Variants in POLR3G observed in about 807,000 individuals in gnomAD.
POLR3G encodes the protein DNA-directed RNA polymerase III subunit RPC7.
In POLR3G, 28 loss-of-function variants were observed where a neutral mutation model predicts 30.1. The ratio of observed to expected loss-of-function variants is 0.93; its 90% CI spans 0.69 to 1.27. The LOEUF is 1.27. POLR3G is among the 50% of genes most tolerant of loss of function. The pLI is 0.00. For synonymous variants in POLR3G, 79 were observed against 82.5 expected (o/e 0.96, Z 0.23); for missense variants, 254 against 264.6 (o/e 0.96, Z 0.28).
intron 2 of POLR3G, among the ~76,000 whole-genome samples, chr5:90,486,594 G>A (rs1454939732): frequency 1.3e-5 from 2 of 152,238 alleles, no homozygotes; most frequent in East Asian, 3.9e-4. Context: ...TTCTCTGCTG[G>A]AACCATCTCT....
chr5:90,474,277 A>T, upstream of POLR3G: 1 of 1,613,144 alleles, frequency 6.2e-7, no homozygotes, highest in Non-Finnish European at 8.5e-7. Flanking sequence ...TGGGCGTACC[A>T]CTCGAGCGCC....
intron 7 of POLR3G, among the ~76,000 whole-genome samples, chr5:90,507,457 G>A (rs1339848843): frequency 6.6e-6 from 1 of 152,190 alleles, no homozygotes; most frequent in Admixed American, 6.5e-5. Context: ...TATAAACAGA[G>A]AAGTGTGGAT....
intron 3 of POLR3G, among the ~76,000 whole-genome samples, chr5:90,489,680 C>A (rs1487268925): frequency 6.6e-6 from 1 of 152,082 alleles, no homozygotes; most frequent in African/African-American, 2.4e-5. Flanking sequence ...ATGAACTAAT[C>A]AGTATTCATT....
chr5:90,492,965 T>C (rs1258452718), intron 3 of POLR3G, among the ~76,000 whole-genome samples: 1 of 152,130 alleles, frequency 6.6e-6, no homozygotes, highest in African/African-American at 2.4e-5. Context: ...AGCTAGATTC[T>C]ACTAGAAATG....
intron 1 of POLR3G, among the ~76,000 whole-genome samples, chr5:90,482,996 C>T (rs1282393007): frequency 6.6e-6 from 1 of 151,944 alleles, no homozygotes; most frequent in African/African-American, 2.4e-5. Context: ...CAAAATTAGA[C>T]AGGCATGGTG....
At chr5:90,506,400 T>C in intron 6 of POLR3G, 128 bp from the exon 7 acceptor site, 1 of 1,294,230 alleles carries the variant, frequency 7.7e-7, no homozygotes, top group South Asian at 2.0e-5. Flanking sequence ...GTTTCCTAGG[T>C]GGTAGCCAGG....
At position 90,514,103 on chromosome 5, in the gene POLR3G, T is replaced by C. The variant is rs1306758649; in HGVS notation, c.*1964T>C. 2 of 152,202 alleles carry C rather than the reference T, an allele frequency of 1.3e-5. No individual in the cohort carries two copies. The highest frequency in any genetic ancestry group is 3.8e-4 in the East Asian group (2 of 5,200). 9.4% of individuals were successfully genotyped at this position (152,202 alleles called of 1,614,324 possible). On this transcript the variant is annotated 3_prime_UTR_variant, in exon 8 of 8. Coordinates refer to ENST00000651687, the MANE Select transcript of POLR3G (RefSeq NM_006467.3). Reference sequence around the variant, plus strand: ...CAAGGATTTACTCTGGGAGGTACCGTTAAGAGCCTTCTTTCCCCCTTTGAA... The same window carrying C: ...CAAGGATTTACTCTGGGAGGTACCGCTAAGAGCCTTCTTTCCCCCTTTGAA...
At position 90,513,807 on chromosome 5, in the gene POLR3G, G is replaced by A. The variant is rs1436317662; in HGVS notation, c.*1668G>A. 1 of 152,170 alleles carries A rather than the reference G, an allele frequency of 6.6e-6. No homozygotes were observed. Among genetic ancestry groups the A allele is most frequent in the Non-Finnish European group, 1.5e-5 (1 of 68,014 alleles). 9.4% of individuals were successfully genotyped at this position (152,170 alleles called of 1,614,324 possible). On this transcript the variant is annotated 3_prime_UTR_variant, in exon 8 of 8. Coordinates refer to ENST00000651687, the MANE Select transcript of POLR3G (RefSeq NM_006467.3). ...ATTCTAAATGGAATACACGAATAAA[G>A]TAAGCCTTAGAATAGAAACCTCACA...
Position 90,512,229 on chromosome 5 carries a change from G to A in POLR3G, c.*90G>A. The A allele has an allele frequency of 1.2e-6, 1 of 842,224 alleles. No homozygotes were observed. Among genetic ancestry groups the A allele is most frequent in the Non-Finnish European group, 1.9e-6 (1 of 513,170 alleles). 52.2% of individuals were successfully genotyped at this position (842,224 alleles called of 1,614,324 possible). A position where few individuals can be genotyped will look rare whatever the true frequency, so the allele number is the denominator to read the frequency against. ...GTATTTTATTTCTGATAAGGAATAAGTACTTGTTTCTGTTGTTTTGGACAA... is the reference window on the plus strand; with the variant it reads ...GTATTTTATTTCTGATAAGGAATAAATACTTGTTTCTGTTGTTTTGGACAA... On this transcript the variant is annotated 3_prime_UTR_variant, in exon 8 of 8. Coordinates refer to ENST00000651687, the MANE Select transcript of POLR3G (RefSeq NM_006467.3).
intron 7 of POLR3G, among the ~76,000 whole-genome samples, chr5:90,507,770 T>C (rs3805483): frequency 0.41 from 61,746 of 152,052 alleles, 12,997 homozygotes; most frequent in Middle Eastern, 0.48. Flanking sequence ...ATTAAATATG[T>C]CACATTTGTG....
intron 7 of POLR3G, among the ~76,000 whole-genome samples, chr5:90,510,511 C>T (rs1375348940): frequency 6.6e-6 from 1 of 152,186 alleles, no homozygotes; most frequent in Non-Finnish European, 1.5e-5. Context: ...AGTATCCCTT[C>T]CTTATTCATC....
At chr5:90,480,360 G>A (rs1033945105) in intron 1 of POLR3G, among the ~76,000 whole-genome samples, 2 of 152,158 alleles carry the variant, frequency 1.3e-5, no homozygotes, top group African/African-American at 4.8e-5. Flanking sequence ...ACAGGGTAAT[G>A]GATTCATGAA....
At chr5:90,475,097 G>A (rs989675844) in intron 1 of POLR3G, 77 bp downstream of exon 1, 5 of 152,294 alleles carry the variant, frequency 3.3e-5, no homozygotes, top group African/African-American at 4.8e-5. Flanking sequence ...TGGAAAAGGT[G>A]AGGGGAAGTC....
At chr5:90,474,317 G>T (rs370085693), upstream of POLR3G, 33 of 1,602,868 alleles carry the variant, frequency 2.1e-5, no homozygotes, top group African/African-American at 2.7e-5. Context: ...CAGCCAGGCG[G>T]GGTGAGTGTG....
chr5:90,495,780 C>T, intron 4 of POLR3G, 47 bp downstream of exon 4: 3 of 1,528,364 alleles, frequency 2.0e-6, no homozygotes, highest in Middle Eastern at 1.7e-4. Context: ...AAGGCTGTCT[C>T]TCTCACCTCA....
At chr5:90,484,944 C>T (rs1751359473) in intron 1 of POLR3G, among the ~76,000 whole-genome samples, 1 of 152,138 alleles carries the variant, frequency 6.6e-6, no homozygotes, top group South Asian at 2.1e-4. Context: ...GATATCACTC[C>T]TGTCTCCAAA....
intron 6 of POLR3G, among the ~76,000 whole-genome samples, chr5:90,506,120 G>A (rs1304348207): frequency 2.0e-5 from 3 of 151,904 alleles, no homozygotes; most frequent in Non-Finnish European, 1.5e-5. Flanking sequence ...TCCCAGCTAC[G>A]CAGGAAGCTC....
At chr5:90,493,425 T>G (rs1751829229) in intron 3 of POLR3G, among the ~76,000 whole-genome samples, 1 of 151,874 alleles carries the variant, frequency 6.6e-6, no homozygotes, top group Admixed American at 6.6e-5. Flanking sequence ...TTTTGCATTT[T>G]TTGTAGAGAT....
chr5:90,489,258 A>ATT (rs527243253), intron 3 of POLR3G, among the ~76,000 whole-genome samples: 39 of 138,266 alleles, frequency 2.8e-4, no homozygotes, highest in South Asian at 6.9e-4. Context: ...AAAATACTTA[A>ATT]TTTTTTTTTT....
Sources: allele counts gnomAD v4.1 joint callset (sites outside exome capture counted in the v4.1 genomes callset), GRCh38; gene constraint gnomAD v4.1.1; transcripts MANE v1.5; gene names NCBI Gene and HGNC (gene_info 2026-07-23, HGNC 2026-07-21).